The following UACA variants were observed in gnomAD, a reference collection of about 807,000 sequenced individuals.
The protein encoded by UACA is nuclear membrane binding protein.
A neutral mutation model predicts 160.5 loss-of-function variants in UACA; 112 were observed. The ratio of observed to expected loss-of-function variants is 0.70; its 90% CI spans 0.60 to 0.82. The LOEUF (loss-of-function observed/expected upper bound fraction) is 0.82. Ranked by LOEUF, UACA falls within the 40% of genes least tolerant of loss-of-function variation. The pLI, the probability that UACA is intolerant of heterozygous loss-of-function variation, is 0.00. For synonymous variants in UACA, 557 were observed against 568.4 expected (o/e 0.98, Z 0.29); for missense variants, 1,574 against 1,614.6 (o/e 0.97, Z 0.43).
At chr15:70,701,953 C>A in intron 1 of UACA, 1 of 1,609,660 alleles carries the variant, frequency 6.2e-7, no homozygotes, top group Non-Finnish European at 8.5e-7. Context: ...TGGCAAACTA[C>A]TTTGCATTAA....
At chr15:70,701,794 A>T (rs1898373097) in intron 1 of UACA, 1 of 1,309,084 alleles carries the variant, frequency 7.6e-7, no homozygotes, top group African/African-American at 1.5e-5. Flanking sequence ...CAAATTAATA[A>T]AACAGTAGTG....
intron 16 of UACA, among the ~76,000 whole-genome samples, chr15:70,665,944 C>T (rs1296571619): frequency 6.6e-6 from 1 of 152,160 alleles, no homozygotes; most frequent in East Asian, 1.9e-4. Context: ...CTTTATGCAA[C>T]ATCAGTGTCA....
At chr15:70,684,787 A>G (rs1487767293) in intron 7 of UACA, among the ~76,000 whole-genome samples, 2 of 152,134 alleles carry the variant, frequency 1.3e-5, no homozygotes, top group Admixed American at 1.3e-4. Flanking sequence ...TACTTTAAGA[A>G]GTCATGCCTG....
chr15:70,753,891 C>T (rs998081620), intron 1 of UACA, among the ~76,000 whole-genome samples: 1 of 152,134 alleles, frequency 6.6e-6, no homozygotes, highest in Admixed American at 6.6e-5. Flanking sequence ...ATGCAAATTC[C>T]GCCTCCCAGG....
At position 70,758,721 on chromosome 15, in the gene UACA, C is replaced by T. The variant is rs1447507207; in HGVS notation, c.78+4609G>A. ...TCTTTTAGAAATACCAGTATTTTTT[C>T]GCAGTGCTGAGGCATTATAGCAAGA... On this transcript the variant is annotated intron_variant, in intron 1 of 18. Coordinates refer to ENST00000322954, the MANE Select transcript of UACA (RefSeq NM_018003.4). 4.6e-5 allele frequency: 7 copies of T among 152,018 alleles called. No homozygotes were observed. The South Asian group carries it at 6.2e-4, about 14-fold the overall frequency. The allele number at this position is 152,018 out of a possible 1,614,324, so 9.4% of individuals were successfully genotyped here.
intron 2 of UACA, among the ~76,000 whole-genome samples, chr15:70,695,881 T>C (rs998515974): frequency 3.3e-5 from 5 of 152,218 alleles, no homozygotes; most frequent in African/African-American, 1.2e-4. Flanking sequence ...TATAGAAATA[T>C]TTTGTGTGCA....
chr15:70,763,294 A>G, intron 1 of UACA, 36 bp downstream of exon 1: 3 of 1,318,446 alleles, frequency 2.3e-6, no homozygotes, highest in Non-Finnish European at 1.9e-6. Flanking sequence ...CTGCTCCCGG[A>G]GCGGAGCGCC....
chr15:70,667,716 T>TGAC lies in UACA; in HGVS notation c.2965_2967dup (p.Val989dup). 1 of 1,614,048 alleles carries TGAC rather than the reference T, an allele frequency of 6.2e-7. No individual in the cohort carries two copies. Among genetic ancestry groups the TGAC allele is most frequent in the Non-Finnish European group, 8.5e-7 (1 of 1,179,982 alleles). ...AATTTTCTCTCGCACTCCTCAAAGCTGACAATTGGGGCGTATTTTACCTTA... is the reference window on the plus strand; with the variant it reads ...AATTTTCTCTCGCACTCCTCAAAGCTGACGACAATTGGGGCGTATTTTACCTTA... On this transcript the variant is annotated inframe_insertion, in exon 16 of 19. Transcript: ENST00000322954.
At chr15:70,756,182 T>C (rs2030415151) in intron 1 of UACA, among the ~76,000 whole-genome samples, 1 of 142,694 alleles carries the variant, frequency 7.0e-6, no homozygotes, top group Non-Finnish European at 1.5e-5. Flanking sequence ...AATTTTTTTT[T>C]TTTTGATGGA....
intron 1 of UACA, chr15:70,702,283 G>C: frequency 9.7e-7 from 1 of 1,030,096 alleles, no homozygotes; most frequent in Non-Finnish European, 1.2e-6. Context: ...CCTCAACACT[G>C]CAACACAGAC....
intron 1 of UACA, among the ~76,000 whole-genome samples, chr15:70,756,015 T>C (rs2030406314): frequency 6.6e-6 from 1 of 152,234 alleles, no homozygotes; most frequent in Admixed American, 6.5e-5. Flanking sequence ...CTATAATAAC[T>C]GTTAACATGC....
intron 4 of UACA, 68 bp downstream of exon 4, chr15:70,691,229 AAC>A (rs1393876485): frequency 8.8e-7 from 1 of 1,132,164 alleles, no homozygotes; most frequent in Non-Finnish European, 1.3e-6. Flanking sequence ...AAATTCCAAA[AAC>A]ACATTAAAAG....
chr15:70,739,223 T>C (rs958732873), intron 1 of UACA, among the ~76,000 whole-genome samples: 2 of 152,222 alleles, frequency 1.3e-5, no homozygotes, highest in African/African-American at 4.8e-5. Context: ...CTATACTTTA[T>C]AAATCCTATA....
chr15:70,775,802 G>A, the UACA span, among the ~76,000 whole-genome samples: 8 of 152,296 alleles, frequency 5.3e-5, no homozygotes, highest in African/African-American at 1.9e-4. Flanking sequence ...CCCCATGTGA[G>A]CGCCTGAGAA....
At chr15:70,759,871 G>C (rs1199339898) in intron 1 of UACA, among the ~76,000 whole-genome samples, 1 of 152,046 alleles carries the variant, frequency 6.6e-6, no homozygotes, top group Non-Finnish European at 1.5e-5. Flanking sequence ...GTACTATTCA[G>C]AATATTCAAA....
chr15:70,729,521 C>T (rs1364202987), intron 1 of UACA, among the ~76,000 whole-genome samples: 1 of 142,396 alleles, frequency 7.0e-6, no homozygotes, highest in Admixed American at 6.7e-5. Context: ...ACAACCCTTC[C>T]GCCGCCTGTG....
At chr15:70,680,228 G>A (rs1462021198) in intron 9 of UACA, among the ~76,000 whole-genome samples, 2 of 152,076 alleles carry the variant, frequency 1.3e-5, no homozygotes, top group Non-Finnish European at 2.9e-5. Context: ...TTCTGTTTTT[G>A]TAACTTACTG....
intron 1 of UACA, among the ~76,000 whole-genome samples, chr15:70,722,508 A>T (rs62016919): frequency 0.14 from 20,622 of 152,100 alleles, 1,718 homozygotes; most frequent in African/African-American, 0.23. Context: ...AGTAAAGAAG[A>T]GGTCTTGCTA....
the UACA span, among the ~76,000 whole-genome samples, chr15:70,770,950 C>G: frequency 1.5e-4 from 23 of 152,340 alleles, 2 homozygotes; most frequent in African/African-American, 5.3e-4. Context: ...CTAAAACTAC[C>G]TTGGGGAATT....
Sources: gnomAD v4.1 joint callset for allele counts (sites outside exome capture counted in the v4.1 genomes callset) on GRCh38, gnomAD v4.1.1 for gene constraint, MANE v1.5 for transcripts, NCBI Gene and HGNC (gene_info 2026-07-23, HGNC 2026-07-21) for gene names.